Variants in SFRP1 observed in about 807,000 individuals in gnomAD.
SFRP1 encodes secreted frizzled related protein 1, also known as secreted frizzled-related protein 1.
In SFRP1, 9 loss-of-function variants were observed where a neutral mutation model predicts 25.9. The observed-to-expected ratio is 0.35, with a 90% CI of 0.21 to 0.61. SFRP1 has a LOEUF of 0.61. Among genes scored for constraint, SFRP1 ranks in the 20% least tolerant of loss-of-function variants. SFRP1 has a pLI of 0.78. For missense variants in SFRP1, 346 were observed against 418.2 expected, an observed-to-expected ratio of 0.83 and a Z score of 1.51; for synonymous variants, 178 against 174.0, an observed-to-expected ratio of 1.02 and a Z score of -0.18.
chr8:41,284,394 T>TA (rs1803672801), intron 2 of SFRP1, among the ~76,000 whole-genome samples: 2 of 101,156 alleles, frequency 2.0e-5, no homozygotes, highest in Non-Finnish European at 3.8e-5. Context: ...CCACATTGTC[T>TA]GAGCCCCTCC....
chr8:41,282,862 G>A (rs1219279037), intron 2 of SFRP1, among the ~76,000 whole-genome samples: 4 of 152,088 alleles, frequency 2.6e-5, no homozygotes, highest in African/African-American at 9.7e-5. Context: ...CTGCCTTCAA[G>A]AAAAGCCAGA....
chr8:41,274,988 C>G (rs1023785575), intron 2 of SFRP1: 2 of 296,622 alleles, frequency 6.7e-6, no homozygotes, highest in Non-Finnish European at 1.3e-5. Context: ...GCTTTCTCAA[C>G]CAGCTTTTTG....
At chr8:41,292,901 G>A (rs538808994) in intron 2 of SFRP1, among the ~76,000 whole-genome samples, 29 of 152,298 alleles carry the variant, frequency 1.9e-4, no homozygotes, top group African/African-American at 6.5e-4. Flanking sequence ...GCTGGGTGCC[G>A]GCTGGCATTT....
chr8:41,282,770 G>A (rs535170520), intron 2 of SFRP1, among the ~76,000 whole-genome samples: 3 of 152,106 alleles, frequency 2.0e-5, no homozygotes, highest in African/African-American at 7.2e-5. Flanking sequence ...TATATGTACA[G>A]AGTTATATAC....
Position 41,309,206 on chromosome 8 carries a change from G to A in SFRP1, c.-47C>T. The A allele has an allele frequency of 7.9e-7, 1 of 1,269,396 alleles. No individual in the cohort carries two copies. The highest frequency in any genetic ancestry group is 9.9e-7 in the Non-Finnish European group (1 of 1,014,558). 78.6% of individuals were successfully genotyped at this position (1,269,396 alleles called of 1,614,324 possible). On this transcript the variant is annotated 5_prime_UTR_variant, in exon 1 of 3. Transcript: ENST00000220772. Reference sequence around the variant, plus strand: ...CCGCGACGTCGGGGCTGCCTCCGCCGCCTCCCCGCGCGCGTCCTGCCGCAA... The same window carrying A: ...CCGCGACGTCGGGGCTGCCTCCGCCACCTCCCCGCGCGCGTCCTGCCGCAA...
chr8:41,291,066 C>A (rs1803773223), intron 2 of SFRP1, among the ~76,000 whole-genome samples: 1 of 151,086 alleles, frequency 6.6e-6, no homozygotes, highest in African/African-American at 2.4e-5. Flanking sequence ...GCCACCAGGC[C>A]CCGCTATTTT....
intron 2 of SFRP1, among the ~76,000 whole-genome samples, chr8:41,280,828 C>T (rs979967123): frequency 6.6e-6 from 1 of 152,194 alleles, no homozygotes; most frequent in Non-Finnish European, 1.5e-5. Context: ...CAGAGCTTTG[C>T]AGGAACGGGT....
Position 41,262,388 on chromosome 8 carries a change from G to A in SFRP1, c.*2779C>T, listed in dbSNP as rs1172140492. The A allele has an allele frequency of 6.6e-6, 1 of 152,168 alleles. No individual in the cohort carries two copies. Among genetic ancestry groups the A allele is most frequent in the Non-Finnish European group, 1.5e-5 (1 of 68,034 alleles). The allele number at this position is 152,168 out of a possible 1,614,324, so 9.4% of individuals were successfully genotyped here. A position where few individuals can be genotyped will look rare whatever the true frequency, so the allele number is the denominator to read the frequency against. ...TGAGAAAAACAGATTTTAGGTTTGG[G>A]AAATGGGATTACTGTAATTTACACA... On this transcript the variant is annotated 3_prime_UTR_variant, in exon 3 of 3. Transcript: ENST00000220772.
chr8:41,265,580 C>A, intron 2 of SFRP1, 91 bp from the exon 3 acceptor site: 6 of 848,456 alleles, frequency 7.1e-6, no homozygotes, highest in Non-Finnish European at 1.0e-5. Flanking sequence ...AAAGTGATTG[C>A]ATTTTATTAT....
chr8:41,278,051 G>A (rs937376673), intron 2 of SFRP1, among the ~76,000 whole-genome samples: 5 of 152,150 alleles, frequency 3.3e-5, no homozygotes, highest in African/African-American at 1.2e-4. Flanking sequence ...TATTCACAGT[G>A]GTATCTTTTA....
intron 2 of SFRP1, among the ~76,000 whole-genome samples, chr8:41,295,864 T>C (rs1196479269): frequency 6.6e-6 from 1 of 151,972 alleles, no homozygotes; most frequent in Non-Finnish European, 1.5e-5. Flanking sequence ...CCCCTGCCAA[T>C]GTGGATCAAC....
rs1287221651 is a variant in SFRP1 at position 41,262,619 on chromosome 8, A to G, written c.*2548T>C. ...TCTGCCAAGGACCTCCCAGGACTCT[A>G]TCCAGAATGATTATTGTAAAGCTTT... On this transcript the variant is annotated 3_prime_UTR_variant, in exon 3 of 3. Transcript: ENST00000220772. 1 of 152,228 alleles carries G rather than the reference A, an allele frequency of 6.6e-6. No individual in the cohort carries two copies. Among genetic ancestry groups the G allele is most frequent in the African/African-American group, 2.4e-5 (1 of 41,468 alleles). 9.4% of individuals were successfully genotyped at this position (152,228 alleles called of 1,614,324 possible).
chr8:41,300,930 C>T (rs1343047737), intron 2 of SFRP1, among the ~76,000 whole-genome samples: 1 of 152,188 alleles, frequency 6.6e-6, no homozygotes, highest in African/African-American at 2.4e-5. Flanking sequence ...CTTTTCTGCT[C>T]ATGTTTTTTT....
chr8:41,297,778 G>A (rs16890438), intron 2 of SFRP1, among the ~76,000 whole-genome samples: 1 of 151,840 alleles, frequency 6.6e-6, no homozygotes, highest in Non-Finnish European at 1.5e-5. Context: ...CTACACTGCC[G>A]GCTTTCCCAC....
chr8:41,279,005 CCA>C (rs1266604339), intron 2 of SFRP1, among the ~76,000 whole-genome samples: 2 of 152,012 alleles, frequency 1.3e-5, no homozygotes, highest in Admixed American at 1.3e-4. Flanking sequence ...CCTCCCCAGC[CCA>C]GTCTAGCCTT....
chr8:41,307,065 A>G (rs1294618833), intron 1 of SFRP1: 1 of 1,386,010 alleles, frequency 7.2e-7, no homozygotes, highest in Non-Finnish European at 9.4e-7. Flanking sequence ...ACAGCCTCAC[A>G]GGGCAGGGCT....
At chr8:41,271,738 G>A (rs1803510742) in intron 2 of SFRP1, among the ~76,000 whole-genome samples, 1 of 152,044 alleles carries the variant, frequency 6.6e-6, no homozygotes, top group South Asian at 2.1e-4. Flanking sequence ...GCTGAGGCAA[G>A]CAGATCACTT....
rs373338351 is a variant in SFRP1 at position 41,308,755 on chromosome 8, G to T, written c.405C>A (p.Ala135=). 5.6e-6 allele frequency: 9 copies of T among 1,608,634 alleles called. No homozygotes were observed. In the Admixed American group the frequency reaches 1.5e-4, roughly 27 times the overall value. Residue 135 remains alanine, a synonymous_variant, in exon 1 of 3, where the codon GCC becomes GCA. Transcript: ENST00000220772. ...PIYPCRWLCE[A]VRDSCEPVMQ... is the part of the protein sequence containing the mutation. ...TGACCGGCTCGCACGAGTCGCGCAC[G>T]GCCTCGCAGAGCCAGCGACACGGGT...
intron 2 of SFRP1, among the ~76,000 whole-genome samples, chr8:41,269,960 G>T (rs1803483692): frequency 6.6e-6 from 1 of 152,214 alleles, no homozygotes; most frequent in Admixed American, 6.5e-5. Context: ...GGGAAACCAG[G>T]CAGCCCAGTG....
Sources: allele counts gnomAD v4.1 joint callset (sites outside exome capture counted in the v4.1 genomes callset), GRCh38; gene constraint gnomAD v4.1.1; transcripts MANE v1.5; gene names NCBI Gene and HGNC (gene_info 2026-07-23, HGNC 2026-07-21).